The following NEO1 variants were observed in gnomAD, a reference collection of about 807,000 sequenced individuals.
NEO1 encodes the protein neogenin.
Under a neutral mutation model 159.7 loss-of-function variants are expected in NEO1, and 63 were observed. The observed-to-expected ratio is 0.39, with a 90% CI of 0.32 to 0.49. NEO1 has a LOEUF of 0.49. Ranked by LOEUF, NEO1 falls within the 20% of genes least tolerant of loss-of-function variation. NEO1 has a pLI of 0.85. For synonymous variants in NEO1, 633 were observed against 662.0 expected (o/e 0.96, Z 0.67); for missense variants, 1,615 against 1,831.0 (o/e 0.88, Z 2.15).
At chr15:73,102,705 T>C (rs1423275304) in intron 1 of NEO1, among the ~76,000 whole-genome samples, 1 of 152,204 alleles carries the variant, frequency 6.6e-6, no homozygotes, top group Non-Finnish European at 1.5e-5. Context: ...TCTCTGCCTG[T>C]CTCTTAAATG....
chr15:73,161,689 C>T (rs1008653714), intron 5 of NEO1: 1 of 166,746 alleles, frequency 6.0e-6, no homozygotes, highest in African/African-American at 2.4e-5. Flanking sequence ...TCTCACTCTA[C>T]ATTATAAAAA....
Position 73,302,731 on chromosome 15 carries a change from C to A in NEO1, c.*35C>A. The stretch of plus-strand genomic sequence containing the variant: ...CCAGGACCTGACTTCAAACCTGAGT[C>A]TGGAAGTCTTGGAACTTACCCTTGA... On this transcript the variant is annotated 3_prime_UTR_variant, in exon 29 of 29. Transcript: ENST00000261908. 1.3e-6 allele frequency: 2 copies of A among 1,580,296 alleles called. No homozygotes were observed. The highest frequency in any genetic ancestry group is 2.2e-5 in the South Asian group (2 of 89,522).
intron 7 of NEO1, among the ~76,000 whole-genome samples, chr15:73,232,374 G>T (rs1335360114): frequency 6.6e-6 from 1 of 152,156 alleles, no homozygotes; most frequent in African/African-American, 2.4e-5. Context: ...GATTAGTGCT[G>T]AACCAAAGAT....
intron 1 of NEO1, among the ~76,000 whole-genome samples, chr15:73,066,115 T>C (rs2151282355): frequency 6.6e-6 from 1 of 151,562 alleles, no homozygotes; most frequent in East Asian, 1.9e-4. Context: ...CACTGCAGGT[T>C]CATGCCATTC....
chr15:73,279,364 T>TTTTTTTTTTTTTTTTTTA (rs2041583446), intron 22 of NEO1, among the ~76,000 whole-genome samples: 1 of 147,098 alleles, frequency 6.8e-6, no homozygotes, highest in Non-Finnish European at 1.5e-5. Context: ...TTTTTTTTTT[T>TTTTTTTTTTTTTTTTTTA]TTGAGATGGA....
chr15:73,146,569 C>T (rs2032916921), intron 5 of NEO1, among the ~76,000 whole-genome samples: 1 of 152,086 alleles, frequency 6.6e-6, no homozygotes. Context: ...GTCATGTTAG[C>T]TTTGAGATAA....
At chr15:73,197,745 A>C (rs137873545) in intron 7 of NEO1, among the ~76,000 whole-genome samples, 1 of 150,432 alleles carries the variant, frequency 6.6e-6, no homozygotes, top group South Asian at 2.1e-4. Context: ...CAGTGGCGCA[A>C]TTTCGGCTCA....
chr15:73,285,396 C>T (rs1051913181), intron 23 of NEO1, among the ~76,000 whole-genome samples: 2 of 152,150 alleles, frequency 1.3e-5, no homozygotes, highest in Non-Finnish European at 2.9e-5. Flanking sequence ...GGTACTCAGT[C>T]TTCAGATTGA....
At chr15:73,079,024 A>G (rs1028429002) in intron 1 of NEO1, among the ~76,000 whole-genome samples, 1 of 152,118 alleles carries the variant, frequency 6.6e-6, no homozygotes, top group Admixed American at 6.5e-5. Context: ...TATCTCTTAT[A>G]CCCTTTGTTT....
chr15:73,288,650 TA>T (rs1388249661), intron 24 of NEO1, 99 bp downstream of exon 24: 13 of 952,060 alleles, frequency 1.4e-5, no homozygotes, highest in Non-Finnish European at 1.8e-5. Flanking sequence ...TGGCAATTCC[TA>T]TATGAGATCA....
intron 7 of NEO1, among the ~76,000 whole-genome samples, chr15:73,210,188 A>T (rs1390729375): frequency 6.6e-6 from 1 of 152,206 alleles, no homozygotes; most frequent in African/African-American, 2.4e-5. Flanking sequence ...AAAAGTTGAG[A>T]AATTGTGAAC....
At chr15:73,301,547 A>G (rs2042614607) in intron 28 of NEO1, 90 bp downstream of exon 28, 8 of 1,549,700 alleles carry the variant, frequency 5.2e-6, no homozygotes, top group Non-Finnish European at 7.0e-6. Flanking sequence ...ATCTGTGCAT[A>G]CCAGGCCCGC....
intron 22 of NEO1, among the ~76,000 whole-genome samples, chr15:73,282,710 C>G (rs2041782071): frequency 6.6e-6 from 1 of 152,182 alleles, no homozygotes; most frequent in African/African-American, 2.4e-5. Context: ...ATGTTCAGTA[C>G]AATTTGAGAA....
chr15:73,226,664 G>A (rs1235619856), intron 7 of NEO1, among the ~76,000 whole-genome samples: 4 of 152,080 alleles, frequency 2.6e-5, no homozygotes, highest in African/African-American at 9.7e-5. Context: ...ACTATGTTTG[G>A]AGTAATAAGC....
At chr15:73,071,780 T>G (rs1054432381) in intron 1 of NEO1, among the ~76,000 whole-genome samples, 2 of 152,190 alleles carry the variant, frequency 1.3e-5, no homozygotes, top group Non-Finnish European at 2.9e-5. Context: ...CTTCCCAGAT[T>G]GCTGGGATTA....
intron 1 of NEO1, among the ~76,000 whole-genome samples, chr15:73,055,985 G>A (rs1358028483): frequency 6.6e-6 from 1 of 152,090 alleles, no homozygotes; most frequent in African/African-American, 2.4e-5. Flanking sequence ...TAATCTCTTT[G>A]TCTGTACTGT....
At chr15:73,286,691 A>G (rs570010862) in intron 23 of NEO1, among the ~76,000 whole-genome samples, 2 of 152,336 alleles carry the variant, frequency 1.3e-5, no homozygotes, top group South Asian at 4.1e-4. Context: ...TTTTCAGGCA[A>G]ACCCGCTTCT....
intron 7 of NEO1, among the ~76,000 whole-genome samples, chr15:73,199,149 T>C (rs1052374063): frequency 6.6e-6 from 1 of 150,992 alleles, no homozygotes; most frequent in African/African-American, 2.4e-5. Flanking sequence ...GGAGCATTGG[T>C]GAGGTATTTT....
At chr15:73,228,183 C>T (rs909106050) in intron 7 of NEO1, among the ~76,000 whole-genome samples, 1 of 152,184 alleles carries the variant, frequency 6.6e-6, no homozygotes, top group Non-Finnish European at 1.5e-5. Context: ...AACCAGTCAT[C>T]AAGGGCCCAA....
Sources: allele counts gnomAD v4.1 joint callset (sites outside exome capture counted in the v4.1 genomes callset), GRCh38; gene constraint gnomAD v4.1.1; transcripts MANE v1.5; gene names NCBI Gene and HGNC (gene_info 2026-07-23, HGNC 2026-07-21).